EGFR: variants seen among roughly 807,000 people sequenced by gnomAD.
EGFR encodes epidermal growth factor receptor.
Under a neutral mutation model 143.0 loss-of-function variants are expected in EGFR, and 58 were observed. That is an observed-to-expected ratio of 0.41 (90% CI 0.33 to 0.50). The LOEUF is 0.50. EGFR is among the 20% of genes least tolerant of loss of function. The pLI is 0.39. For synonymous variants in EGFR, 613 were observed against 594.4 expected (o/e 1.03, Z -0.45); for missense variants, 1,307 against 1,579.0 (o/e 0.83, Z 2.92).
chr7:55,117,784 G>T (rs1258375743), intron 1 of EGFR, among the ~76,000 whole-genome samples: 1 of 152,226 alleles, frequency 6.6e-6, no homozygotes, highest in African/African-American at 2.4e-5. Flanking sequence ...GAATGACACA[G>T]TCAGGGCTGC....
chr7:55,163,747 T>C lies in EGFR; in HGVS notation c.1646T>C (p.Phe549Ser), dbSNP rs1419611893. ...CNLLEGEPRE[F>S]VENSECIQCH... is the part of the protein sequence containing the mutation. ...CCTCCTCTCAGTGAGCCAAGGGAGTTTGTGGAGAACTCTGAGTGCATACAG... is the reference window on the plus strand; with the variant it reads ...CCTCCTCTCAGTGAGCCAAGGGAGTCTGTGGAGAACTCTGAGTGCATACAG... Residue 549 changes from phenylalanine to serine, a missense_variant, in exon 14 of 28, where the codon TTT (phenylalanine) becomes TCT (serine). Phe to Ser is a radical substitution (Grantham distance 155). Transcript: ENST00000275493. 6.2e-7 allele frequency: 1 copy of C among 1,614,208 alleles called. No individual in the cohort carries two copies. Among genetic ancestry groups the C allele is most frequent in the Non-Finnish European group, 8.5e-7 (1 of 1,180,036 alleles).
intron 1 of EGFR, among the ~76,000 whole-genome samples, chr7:55,124,609 G>A (rs2128916101): frequency 6.6e-6 from 1 of 152,240 alleles, no homozygotes; most frequent in Non-Finnish European, 1.5e-5. Flanking sequence ...TCCCTCGGGG[G>A]CAATTCAACT....
intron 3 of EGFR, among the ~76,000 whole-genome samples, chr7:55,145,188 C>T (rs1481190466): frequency 6.6e-6 from 1 of 152,198 alleles, no homozygotes; most frequent in African/African-American, 2.4e-5. Flanking sequence ...TCTGACTGTG[C>T]CTCTGTGCTC....
chr7:55,191,876 T>G lies in EGFR; in HGVS notation c.2625+2T>G. 6.2e-7 allele frequency: 1 copy of G among 1,613,400 alleles called. No homozygotes were observed. The highest frequency in any genetic ancestry group is 2.2e-5 in the East Asian group (1 of 44,820). On this transcript the variant is annotated splice_donor_variant, in intron 21 of 27. Coordinates refer to ENST00000275493, the MANE Select transcript of EGFR (RefSeq NM_005228.5). LOFTEE classifies it high-confidence loss of function. Reference sequence around the variant, plus strand: ...GAATACCATGCAGAAGGAGGCAAAGTAAGGAGGTGGCTTTAGGTCAGCCAG... The same window carrying G: ...GAATACCATGCAGAAGGAGGCAAAGGAAGGAGGTGGCTTTAGGTCAGCCAG...
intron 1 of EGFR, among the ~76,000 whole-genome samples, chr7:55,100,614 C>G (rs574597450): frequency 6.6e-6 from 1 of 152,310 alleles, no homozygotes; most frequent in South Asian, 2.1e-4. Context: ...GAAAGGGGAC[C>G]TCCACTTCCG....
intron 3 of EGFR, 139 bp downstream of exon 3, chr7:55,143,627 G>A: frequency 1.1e-6 from 1 of 930,186 alleles, no homozygotes. Flanking sequence ...AGTGCCGGCT[G>A]TGTGTAAGAT....
rs17336793 is a variant in EGFR, at chr7:55,161,484, A to G, written c.1499-15A>G. 9.0e-5 allele frequency: 145 copies of G among 1,612,418 alleles called. 1 individual carries two copies. In the Admixed American group the frequency reaches 2.4e-3, roughly 27 times the overall value. On this transcript the variant is annotated splice_polypyrimidine_tract_variant and intron_variant, in intron 12 of 27. Coordinates refer to ENST00000275493, the MANE Select transcript of EGFR (RefSeq NM_005228.5). ...GCTCTGTCACTGACTGCTGTGACCC[A>G]CTCTGTCTCCGCAGAGGCCACAGGC...
intron 1 of EGFR, among the ~76,000 whole-genome samples, chr7:55,109,063 G>T (rs1362709974): frequency 6.6e-6 from 1 of 152,182 alleles, no homozygotes; most frequent in Non-Finnish European, 1.5e-5. Context: ...AAGGGAGAAG[G>T]TGGGAGGGAC....
chr7:55,134,537 G>A (rs773210039), intron 1 of EGFR, among the ~76,000 whole-genome samples: 15 of 152,188 alleles, frequency 9.9e-5, no homozygotes, highest in African/African-American at 1.7e-4. Flanking sequence ...GGTGCTGCCC[G>A]GCACACAGTA....
At chr7:55,148,905 A>T (rs1309252492) in intron 4 of EGFR, among the ~76,000 whole-genome samples, 1 of 152,126 alleles carries the variant, frequency 6.6e-6, no homozygotes, top group African/African-American at 2.4e-5. Flanking sequence ...TATGGACAAG[A>T]TGTCTAAAAC....
chr7:55,196,644 T>C (rs542727365), intron 22 of EGFR, among the ~76,000 whole-genome samples: 2 of 152,336 alleles, frequency 1.3e-5, no homozygotes, highest in African/African-American at 4.8e-5. Context: ...AGGGTTTTTA[T>C]AGTTTGGGGT....
chr7:55,082,392 T>G (rs1381065331), intron 1 of EGFR, among the ~76,000 whole-genome samples: 3 of 152,178 alleles, frequency 2.0e-5, no homozygotes, highest in Admixed American at 1.3e-4. Flanking sequence ...TTTGGCTTGT[T>G]TGTTTCCCTT....
rs768627073 is a variant in EGFR at position 55,161,579 on chromosome 7, C to T, written c.1579C>T (p.Arg527Trp). 24 of 1,614,158 alleles carry T rather than the reference C, an allele frequency of 1.5e-5. No homozygotes were observed. The highest frequency in any genetic ancestry group is 1.2e-4 in the South Asian group (11 of 91,094). ...GGAGCCCAGGGACTGCGTCTCTTGCCGGAATGTCAGCCGAGGCAGGGAATG... is the reference window on the plus strand; with the variant it reads ...GGAGCCCAGGGACTGCGTCTCTTGCTGGAATGTCAGCCGAGGCAGGGAATG... The part of the protein sequence containing the change: ...GPEPRDCVSC[R>W]NVSRGRECVD... The change falls in exon 13 of 28, where the codon CGG (arginine) becomes TGG (tryptophan). Residue 527 changes from arginine (R) to tryptophan (W), a missense_variant. Arg to Trp is a moderately radical substitution (Grantham distance 101, BLOSUM62 -3). Transcript: ENST00000275493.
At chr7:55,171,122 A>C in intron 15 of EGFR, 53 bp from the exon 16 acceptor site, 1 of 1,612,366 alleles carries the variant, frequency 6.2e-7, no homozygotes, top group Non-Finnish European at 8.5e-7. Context: ...TCCAAAATAT[A>C]TGCCAAAGAA....
intron 1 of EGFR, among the ~76,000 whole-genome samples, chr7:55,094,017 A>G (rs934530118): frequency 6.6e-6 from 1 of 152,214 alleles, no homozygotes; most frequent in Non-Finnish European, 1.5e-5. Context: ...GAGAACTCAC[A>G]GTAGAGCGTG....
intron 1 of EGFR, among the ~76,000 whole-genome samples, chr7:55,093,553 A>T (rs1240420187): frequency 6.6e-6 from 1 of 152,192 alleles, no homozygotes. Context: ...CCCGACCGTG[A>T]TGCGCCTCAG....
chr7:55,200,826 A>G (rs2128970846), intron 24 of EGFR: 1 of 475,260 alleles, frequency 2.1e-6, no homozygotes, highest in South Asian at 2.2e-5. Flanking sequence ...ACCAAAACCA[A>G]GCTCACAGGA....
chr7:55,146,619 C>T lies in EGFR; in HGVS notation c.438C>T (p.Gly146=), dbSNP rs199637112. The part of the protein sequence containing the change: ...PMRNLQEILH[G]AVRFSNNPAL... ...ATTCTCCCGCAGAAATCCTGCATGG[C>T]GCCGTGCGGTTCAGCAACAACCCTG... The change falls in exon 4 of 28, where the codon GGC becomes GGT. Residue 146 remains glycine, a synonymous_variant. Coordinates refer to ENST00000275493, the MANE Select transcript of EGFR (RefSeq NM_005228.5). The T allele has an allele frequency of 2.6e-5, 42 of 1,613,864 alleles. No individual in the cohort carries two copies. Among genetic ancestry groups the T allele is most frequent in the Admixed American group, 5.0e-5 (3 of 59,996 alleles).
intron 20 of EGFR, among the ~76,000 whole-genome samples, chr7:55,186,587 A>G (rs1787148117): frequency 6.6e-6 from 1 of 152,230 alleles, no homozygotes; most frequent in Non-Finnish European, 1.5e-5. Context: ...CGTATTCCAC[A>G]AAGGGTCGCA....
Sources: allele counts gnomAD v4.1 joint callset (sites outside exome capture counted in the v4.1 genomes callset), GRCh38; gene constraint gnomAD v4.1.1; transcripts MANE v1.5; gene names NCBI Gene and HGNC (gene_info 2026-07-23, HGNC 2026-07-21).